RPAP1: variants seen among roughly 807,000 people sequenced by gnomAD.
The protein encoded by RPAP1 is RNA polymerase II associated protein 1.
In RPAP1, 109 loss-of-function variants were observed where a neutral mutation model predicts 142.4. The ratio of observed to expected loss-of-function variants is 0.77; its 90% confidence interval spans 0.66 to 0.90. RPAP1 has a LOEUF of 0.90. RPAP1 is among the 40% of genes least tolerant of loss of function. RPAP1 has a pLI of 0.00. For missense variants in RPAP1, 1,546 were observed against 1,751.7 expected, an observed-to-expected ratio of 0.88 and a Z score of 2.10; for synonymous variants, 704 against 738.9, an observed-to-expected ratio of 0.95 and a Z score of 0.77.
chr15:41,519,797 C>G (rs1228244082), intron 22 of RPAP1: 1 of 153,906 alleles, frequency 6.5e-6, no homozygotes, highest in Admixed American at 6.4e-5. Context: ...CTGATACCAC[C>G]TAGCATCTGA....
chr15:41,523,003 G>A (rs369556874), intron 18 of RPAP1, 43 bp from the exon 19 acceptor site: 80 of 1,466,962 alleles, frequency 5.5e-5, no homozygotes, highest in Admixed American at 1.8e-4. Flanking sequence ...CTGGCCTGGC[G>A]TGTGCCAAGC....
chr15:41,526,780 G>A (rs1236104253), intron 14 of RPAP1, 118 bp downstream of exon 14: 2 of 1,030,556 alleles, frequency 1.9e-6, no homozygotes, highest in East Asian at 2.4e-5. Flanking sequence ...CTAAGCAACT[G>A]GATCAGAGAG....
At chr15:41,527,653 A>G in intron 11 of RPAP1, 48 bp from the exon 12 acceptor site, 1 of 1,565,202 alleles carries the variant, frequency 6.4e-7, no homozygotes, top group Non-Finnish European at 8.6e-7. Context: ...GGGCCAGGAA[A>G]TGGATCCAGG....
In RPAP1 at chr15:41,522,898, A is replaced by T; in HGVS notation, c.2609T>A (p.Leu870His). The part of the protein sequence containing the change: ...CVPALEAPPS[L>H]VSLGCSGGCP... ...GCCTCCCGAGCAGCCCAGTGACACG[A>T]GGCTGGGGGGAGCTTCAAGGGCTGG... Residue 870 changes from leucine (L) to histidine (H), a missense_variant, in exon 19 of 25, where the codon CTC (leucine) becomes CAC (histidine). Physicochemically the swap from Leu to His is moderately conservative, Grantham distance 99. This residue lies in a region of RPAP1 where 1,333 missense variants were observed against 1,486.6 expected (regional missense o/e 0.90). Transcript: ENST00000304330. 6.4e-7 allele frequency: 1 copy of T among 1,572,074 alleles called. No individual in the cohort carries two copies. Among genetic ancestry groups the T allele is most frequent in the Non-Finnish European group, 8.6e-7 (1 of 1,167,450 alleles).
intron 4 of RPAP1, 51 bp downstream of exon 4, chr15:41,536,078 G>A (rs1595488367): frequency 1.4e-6 from 2 of 1,381,642 alleles, no homozygotes; most frequent in East Asian, 4.6e-5. Context: ...GATGCACTAT[G>A]AGACTCACCT....
chr15:41,526,444 G>A (rs2140768419), intron 14 of RPAP1, among the ~76,000 whole-genome samples: 1 of 152,266 alleles, frequency 6.6e-6, no homozygotes, highest in South Asian at 2.1e-4. Context: ...TAGAGACAGA[G>A]TCTTGCTATG....
chr15:41,521,283 G>C, intron 21 of RPAP1, 136 bp from the exon 22 acceptor site: 2 of 840,656 alleles, frequency 2.4e-6, no homozygotes, highest in Non-Finnish European at 3.6e-6. Flanking sequence ...TTCCCGCGCA[G>C]TGCTGTGTAG....
In RPAP1 at chr15:41,524,018, A is replaced by C. The variant is rs2051761882; in HGVS notation, c.2235-46T>G. ...GCCACAGTGAGGATCTGGCTGCCTC[A>C]CGCCCCTTTACACTCCAGCCACCCC... On this transcript the variant is annotated intron_variant, in intron 16 of 24. Coordinates refer to ENST00000304330, the MANE Select transcript of RPAP1 (RefSeq NM_015540.4). 3 of 1,610,700 alleles carry C rather than the reference A, an allele frequency of 1.9e-6. No homozygotes were observed. The African/African-American group carries it at 4.0e-5, about 21-fold the overall frequency.
intron 1 of RPAP1, among the ~76,000 whole-genome samples, chr15:41,542,829 C>T (rs1327354105): frequency 6.6e-6 from 1 of 152,116 alleles, no homozygotes. Context: ...ATTTATATAG[C>T]CAAAGGGCAG....
intron 3 of RPAP1, 28 bp downstream of exon 3, chr15:41,536,473 T>C (rs751924914): frequency 3.7e-6 from 6 of 1,612,668 alleles, no homozygotes; most frequent in Non-Finnish European, 5.1e-6. Context: ...TAGAACATCT[T>C]ATCCTACTCA....
chr15:41,529,938 T>C lies in RPAP1; in HGVS notation c.985A>G (p.Met329Val). ...AGCTTCTCCAGCTCGACAGTGTCCA[T>C]GTGCAGCCATTCTTTCTGAGGGGTC... ...PVTPQKEWLHMDTVELEKLHW... is the reference protein window; with the variant it reads ...PVTPQKEWLHVDTVELEKLHW... Residue 329 changes from methionine (M) to valine (V), a missense_variant, in exon 8 of 25, where the codon ATG becomes GTG. Met to Val is a conservative substitution (Grantham distance 21). This residue lies in a region of RPAP1 where 1,333 missense variants were observed against 1,486.6 expected (regional missense o/e 0.90). Transcript: ENST00000304330. The C allele has an allele frequency of 6.2e-7, 1 of 1,614,160 alleles. No individual in the cohort carries two copies. The highest frequency in any genetic ancestry group is 8.5e-7 in the Non-Finnish European group (1 of 1,180,020).
In RPAP1 at chr15:41,531,169, CTG is replaced by C; in HGVS notation, c.795_796del (p.His265GlnfsTer13). The C allele has an allele frequency of 6.2e-7, 1 of 1,613,050 alleles. No individual in the cohort carries two copies. The highest frequency in any genetic ancestry group is 8.5e-7 in the Non-Finnish European group (1 of 1,179,210). On this transcript the variant is annotated frameshift_variant, in exon 7 of 25. Coordinates refer to ENST00000304330, the MANE Select transcript of RPAP1 (RefSeq NM_015540.4). LOFTEE classifies it high-confidence loss of function. ...CTCTCCTGTTTGCTCTTGCGTGTGG[CTG>C]TGAGATCTCAAGAAAGCAACCAAGC...
intron 12 of RPAP1, 41 bp from the exon 13 acceptor site, chr15:41,527,342 G>A (rs777745980): frequency 6.2e-7 from 1 of 1,613,444 alleles, no homozygotes; most frequent in African/African-American, 1.3e-5. Flanking sequence ...AATGCAGCTG[G>A]ACCCTGGGCA....
Position 41,524,186 on chromosome 15 carries a change from T to G in RPAP1, c.2144A>C (p.Gln715Pro). The part of the protein sequence containing the change: ...VPRELSTHPP[Q>P]PLSMQRIASL... ...GGCTATCCGCTGCATGGACAGGGGT[T>G]GAGGTGGGTGGGTGCTGAGCTCCCG... The change falls in exon 16 of 25, where the codon CAA (glutamine) becomes CCA (proline). Residue 715 changes from glutamine to proline, a missense_variant. Coordinates refer to ENST00000304330, the MANE Select transcript of RPAP1 (RefSeq NM_015540.4). The G allele has an allele frequency of 1.9e-6, 3 of 1,592,080 alleles. No homozygotes were observed. In the South Asian group the frequency reaches 3.4e-5, roughly 18 times the overall value.
At chr15:41,541,976 G>A (rs888913788) in intron 1 of RPAP1, among the ~76,000 whole-genome samples, 1 of 152,136 alleles carries the variant, frequency 6.6e-6, no homozygotes, top group South Asian at 2.1e-4. Flanking sequence ...AGGCTAAAGG[G>A]GTAGAAATGG....
Position 41,537,106 on chromosome 15 carries a change from G to A in RPAP1, c.20C>T (p.Pro7Leu). 6.2e-7 allele frequency: 1 copy of A among 1,614,088 alleles called. No homozygotes were observed. Among genetic ancestry groups the A allele is most frequent in the Non-Finnish European group, 8.5e-7 (1 of 1,180,016 alleles). ...CAGCAGGTCCACCTCGGACTCCCCT[G>A]GCTTCGGTCTCGACAGCATCTTGCT... is the stretch of plus-strand genomic sequence containing the variant. MLSRPK[P>L]GESEVDLLHF... is the part of the protein sequence containing the mutation. The change falls in exon 2 of 25, where the codon CCA becomes CTA. Residue 7 changes from proline to leucine, a missense_variant. Transcript: ENST00000304330.
chr15:41,535,677 C>T lies in RPAP1; in HGVS notation c.421-45G>A, dbSNP rs151048339. 3.7e-3 allele frequency: 5,831 copies of T among 1,596,166 alleles called. 23 individuals carry two copies. Among genetic ancestry groups the T allele is most frequent in the East Asian group, 3.6e-3 (161 of 44,736 alleles). On this transcript the variant is annotated intron_variant, in intron 4 of 24. Transcript: ENST00000304330. ...CCCAGGTTACTGATGCTCATCATCC[C>T]ACTTTCCTCTCAACCTCTTTATATC...
Position 41,522,197 on chromosome 15 carries a change from C to T in RPAP1, c.2796G>A (p.Val932=). ...TGAGGTGTGGGGCAGCCCCAGGAGC[C>T]ACACACTGGAGGAAGTAATTCTGGA... The part of the protein sequence containing the change: ...PGLQNYFLQC[V]APGAAPHLTP... Residue 932 remains valine (V), a synonymous_variant, in exon 20 of 25, where the codon GTG becomes GTA. Transcript: ENST00000304330. 3.7e-6 allele frequency: 6 copies of T among 1,614,078 alleles called. No homozygotes were observed. In the South Asian group the frequency reaches 5.5e-5, roughly 15 times the overall value.
In RPAP1 at chr15:41,537,009, G is replaced by A. The variant is rs142358532; in HGVS notation, c.117C>T (p.Gly39=). The A allele has an allele frequency of 1.4e-5, 23 of 1,613,906 alleles. No individual in the cohort carries two copies. Among genetic ancestry groups the A allele is most frequent in the Non-Finnish European group, 1.8e-5 (21 of 1,180,000 alleles). ...GCCGGTCTGAGTTGGCATCACCACC[G>A]CCCCTATTTCCTTTCTTCACCAACT... ...AVQLVKKGNR[G]GGDANSDRPP... Residue 39 remains glycine, a synonymous_variant, in exon 2 of 25, where the codon GGC becomes GGT. Transcript: ENST00000304330.
Sources: allele counts gnomAD v4.1 joint callset (sites outside exome capture counted in the v4.1 genomes callset), GRCh38; gene constraint gnomAD v4.1.1; regional missense constraint gnomAD v4.1.1; transcripts MANE v1.5; gene names NCBI Gene and HGNC (gene_info 2026-07-23, HGNC 2026-07-21).